Variants in HCK observed in about 807,000 individuals in gnomAD.
HCK encodes HCK proto-oncogene, Src family tyrosine kinase.
Under a neutral mutation model 70.4 loss-of-function variants are expected in HCK, and 40 were observed. The observed-to-expected ratio is 0.57, with a 90% CI of 0.44 to 0.74. HCK has a LOEUF of 0.74. Ranked by LOEUF, HCK falls within the 30% of genes least tolerant of loss-of-function variation. The pLI is 0.00. For missense variants in HCK, 568 were observed against 697.2 expected, an observed-to-expected ratio of 0.81 and a Z score of 2.09; for synonymous variants, 245 against 263.2, an observed-to-expected ratio of 0.93 and a Z score of 0.67.
chr20:32,084,115 G>A, intron 7 of HCK, 72 bp downstream of exon 7: 1 of 1,518,958 alleles, frequency 6.6e-7, no homozygotes, highest in Non-Finnish European at 9.0e-7. Context: ...ATGCACTGTG[G>A]CCCCTGAGAC....
chr20:32,088,588 A>C lies in HCK; in HGVS notation c.1036A>C (p.Lys346Gln). Residue 346 changes from lysine to glutamine, a missense_variant, in exon 10 of 13, where the codon AAA (lysine) becomes CAA (glutamine). By Grantham distance (53) the Lys-to-Gln change is moderately conservative. Around this residue, in one of 4 missense-constraint regions of HCK, gnomAD observed 160 missense variants for 237.5 expected, o/e 0.67. Transcript: ENST00000375852. ...TATAGGAAGCTTGCTGGACTTTCTG[A>C]AAAGTGATGAGGGCAGCAAGCAGCC... 1.2e-6 allele frequency: 2 copies of C among 1,613,736 alleles called. No individual in the cohort carries two copies. Among genetic ancestry groups the C allele is most frequent in the East Asian group, 2.2e-5 (1 of 44,856 alleles).
Position 32,095,683 on chromosome 20 carries a change from A to G in HCK, c.1246+1667A>G, listed in dbSNP as rs577427532. 4.6e-5 allele frequency among the ~76,000 whole-genome samples: 7 copies of G among 152,298 alleles called. No homozygotes were observed. In the East Asian group the frequency reaches 1.4e-3, roughly 29 times the overall value. On this transcript the variant is annotated intron_variant, in intron 11 of 12. Transcript: ENST00000375852. ...CAGGGAAATGTGATGAAAGTATTCTAAAATCCACAACTTTGTAAATATTCT... is the reference window on the plus strand; with the variant it reads ...CAGGGAAATGTGATGAAAGTATTCTGAAATCCACAACTTTGTAAATATTCT...
intron 6 of HCK, 34 bp from the exon 7 acceptor site, chr20:32,083,860 G>A: frequency 6.2e-7 from 1 of 1,613,538 alleles, no homozygotes; most frequent in Non-Finnish European, 8.5e-7. Flanking sequence ...CCTCCAAGAT[G>A]CCATTCTGAG....
intron 6 of HCK, among the ~76,000 whole-genome samples, chr20:32,082,727 T>A (rs2045725409): frequency 6.6e-6 from 1 of 152,098 alleles, no homozygotes; most frequent in South Asian, 2.1e-4. Flanking sequence ...ACAGAGGGAC[T>A]AATAACTTGC....
At chr20:32,096,796 A>G (rs1047955942) in intron 11 of HCK, among the ~76,000 whole-genome samples, 2 of 152,066 alleles carry the variant, frequency 1.3e-5, no homozygotes, top group African/African-American at 4.8e-5. Context: ...GCCACTATGC[A>G]CAGGCTGCAG....
chr20:32,063,635 G>T (rs547185914), intron 1 of HCK, among the ~76,000 whole-genome samples: 2 of 152,010 alleles, frequency 1.3e-5, no homozygotes, highest in African/African-American at 2.4e-5. Flanking sequence ...TACTCTAATA[G>T]GTCTAGTACC....
At chr20:32,096,274 G>A (rs1024183741) in intron 11 of HCK, among the ~76,000 whole-genome samples, 3 of 151,256 alleles carry the variant, frequency 2.0e-5, no homozygotes, top group Admixed American at 6.6e-5. Flanking sequence ...CAAGGCAGGC[G>A]GATCACAAGG....
intron 1 of HCK, among the ~76,000 whole-genome samples, chr20:32,056,527 A>AC (rs927445533): frequency 1.1e-4 from 16 of 151,806 alleles, no homozygotes; most frequent in Non-Finnish European, 1.2e-4. Flanking sequence ...GAAAAAAAAA[A>AC]AACAGTAGTT....
intron 1 of HCK, among the ~76,000 whole-genome samples, chr20:32,052,790 G>A (rs2045197086): frequency 8.5e-6 from 1 of 117,344 alleles, no homozygotes; most frequent in Non-Finnish European, 1.8e-5. Context: ...CTTGGGGGGG[G>A]GCGGGGATTT....
chr20:32,101,413 G>C lies in HCK; in HGVS notation c.1475G>C (p.Arg492Pro). 1 of 1,614,172 alleles carries C rather than the reference G, an allele frequency of 6.2e-7. No individual in the cohort carries two copies. The highest frequency in any genetic ancestry group is 8.5e-7 in the Non-Finnish European group (1 of 1,180,038). The stretch of plus-strand genomic sequence containing the variant: ...GAGGAGCTCTACAACATCATGATGC[G>C]CTGCTGGAAAAACCGTCCGGAGGAG... Residue 492 changes from arginine (R) to proline (P), a missense_variant, in exon 13 of 13, where the codon CGC becomes CCC. Physicochemically the swap from Arg to Pro is moderately radical, Grantham distance 103. Transcript: ENST00000375852.
intron 9 of HCK, among the ~76,000 whole-genome samples, chr20:32,087,638 T>TA (rs201935506): frequency 0.012 from 1,852 of 150,348 alleles, 48 homozygotes; most frequent in African/African-American, 0.043. Context: ...AGCTAATTTC[T>TA]AAAAAAATTT....
chr20:32,101,612 T>G lies in HCK; in HGVS notation c.*93T>G, dbSNP rs1431905414. The G allele has an allele frequency of 3.9e-6, 4 of 1,017,936 alleles. No homozygotes were observed. Among genetic ancestry groups the G allele is most frequent in the Non-Finnish European group, 5.8e-6 (4 of 688,800 alleles). The allele number at this position is 1,017,936 out of a possible 1,614,324, so 63.1% of individuals were successfully genotyped here. A position where few individuals can be genotyped will look rare whatever the true frequency, so the allele number is the denominator to read the frequency against. On this transcript the variant is annotated 3_prime_UTR_variant, in exon 13 of 13. Coordinates refer to ENST00000375852, the MANE Select transcript of HCK (RefSeq NM_002110.5). ...GCCAGGGCCCACACCCCCTTCCTAC[T>G]CCCAGACACCCACCCTCGCTTCAGC...
intron 1 of HCK, among the ~76,000 whole-genome samples, chr20:32,060,505 A>C (rs1307371144): frequency 6.6e-6 from 1 of 152,138 alleles, no homozygotes; most frequent in East Asian, 1.9e-4. Context: ...AGCTTCCCAA[A>C]GTGCTGGGAT....
intron 11 of HCK, among the ~76,000 whole-genome samples, chr20:32,094,700 AAAAGAAAAGAAAGAAAGAAAGAAAG>A (rs1202002634): frequency 9.9e-5 from 9 of 90,630 alleles, no homozygotes; most frequent in Non-Finnish European, 1.7e-4. Flanking sequence ...AAAAGAAAAG[AAAAGAAAAGAAAGAAAGAAAGAAAG>A]AAAGAAAGAA....
chr20:32,086,734 T>C lies in HCK; in HGVS notation c.942T>C (p.His314=). 1 of 1,610,608 alleles carries C rather than the reference T, an allele frequency of 6.2e-7. No homozygotes were observed. Among genetic ancestry groups the C allele is most frequent in the Middle Eastern group, 1.7e-4 (1 of 6,036 alleles). The change falls in exon 9 of 13, where the codon CAT becomes CAC. Residue 314 remains histidine (H), a synonymous_variant. Transcript: ENST00000375852. ...CCAACGTGATGAAAACTCTGCAGCA[T>C]GACAAGCTGGTCAAACTTCATGCGG...
intron 1 of HCK, among the ~76,000 whole-genome samples, chr20:32,055,218 GA>G (rs1251604946): frequency 6.6e-6 from 1 of 152,272 alleles, no homozygotes; most frequent in East Asian, 1.9e-4. Context: ...GGTCACCAGG[GA>G]CTCTGGGGCA....
chr20:32,096,087 A>G (rs1421143653), intron 11 of HCK, among the ~76,000 whole-genome samples: 1 of 151,070 alleles, frequency 6.6e-6, no homozygotes, highest in Non-Finnish European at 1.5e-5. Context: ...ACAGGGTTTC[A>G]CCATGTTGGC....
In HCK at chr20:32,067,506, G is replaced by A. The variant is rs115570200; in HGVS notation, c.63-4156G>A. Among the ~76,000 whole-genome samples the A allele has an allele frequency of 3.6e-3, 544 of 149,684 alleles. 6 individuals carry two copies. The highest frequency in any genetic ancestry group is 0.012 in the African/African-American group (497 of 40,910). On this transcript the variant is annotated intron_variant, in intron 1 of 12. Coordinates refer to ENST00000375852, the MANE Select transcript of HCK (RefSeq NM_002110.5). ...GTCTCCCCTTCTCAACTCGGTCATA[G>A]AGCAGGAATGTCCTGATGCTTTTAC...
chr20:32,094,789 GAAAGAAAGAAAGA>G lies in HCK; in HGVS notation c.1246+776_1246+788del, dbSNP rs1282804130. On this transcript the variant is annotated intron_variant, in intron 11 of 12. Transcript: ENST00000375852. The stretch of plus-strand genomic sequence containing the variant: ...GGAAAGAAAGAAAGAGAGAGAAAGA[GAAAGAAAGAAAGA>G]AAGAAAGAAAGAAAGAAAGAAAGAA... Among the ~76,000 whole-genome samples the G allele has an allele frequency of 9.0e-4, 18 of 20,094 alleles. 1 individual carries two copies. Among genetic ancestry groups the G allele is most frequent in the African/African-American group, 1.6e-3 (18 of 11,554 alleles). 13.2% of individuals were successfully genotyped at this position (20,094 alleles called of 152,430 possible).
Sources: gnomAD v4.1 joint callset for allele counts (sites outside exome capture counted in the v4.1 genomes callset) on GRCh38, gnomAD v4.1.1 for gene constraint, gnomAD v4.1.1 regional missense constraint, MANE v1.5 for transcripts, NCBI Gene and HGNC (gene_info 2026-07-23, HGNC 2026-07-21) for gene names.